CDYL: variants seen among roughly 807,000 people sequenced by gnomAD.
The protein encoded by CDYL is chromodomain Y like.
Under a neutral mutation model 47.3 loss-of-function variants are expected in CDYL, and 8 were observed. That is an observed-to-expected ratio of 0.17 (90% CI 0.10 to 0.31). The LOEUF is 0.31. Among genes scored for constraint, CDYL ranks in the 10% least tolerant of loss-of-function variants. CDYL has a pLI of 1.00. For synonymous variants in CDYL, 266 were observed against 265.0 expected, an observed-to-expected ratio of 1.00 and a Z score of -0.04; for missense variants, 471 against 701.4, an observed-to-expected ratio of 0.67 and a Z score of 3.71.
At chr6:4,920,559 G>C (rs1450921464) in intron 2 of CDYL, among the ~76,000 whole-genome samples, 1 of 152,194 alleles carries the variant, frequency 6.6e-6, no homozygotes, top group Non-Finnish European at 1.5e-5. Flanking sequence ...TTAAGCAGTA[G>C]GAGGGATAAA....
At chr6:4,948,970 C>A (rs1019521978) in intron 5 of CDYL, among the ~76,000 whole-genome samples, 2 of 152,244 alleles carry the variant, frequency 1.3e-5, no homozygotes, top group South Asian at 4.1e-4. Flanking sequence ...CAAGACTGGA[C>A]AAGTGTGGTT....
chr6:4,943,486 C>A lies in CDYL; in HGVS notation c.1122-60C>A, dbSNP rs186263393. On this transcript the variant is annotated intron_variant, in intron 4 of 6. Coordinates refer to ENST00000397588, the MANE Select transcript of CDYL (RefSeq NM_004824.4). Reference sequence around the variant, plus strand: ...TTGGTAAATTGAATTCCATAATAGACTTTTCCTTTGCTCAAATATGCAATG... The same window carrying A: ...TTGGTAAATTGAATTCCATAATAGAATTTTCCTTTGCTCAAATATGCAATG... 1.8e-5 allele frequency: 22 copies of A among 1,224,034 alleles called. No individual in the cohort carries two copies. The Admixed American group carries it at 3.6e-4, about 20-fold the overall frequency. The allele number at this position is 1,224,034 out of a possible 1,614,324, so 75.8% of individuals were successfully genotyped here.
chr6:4,779,679 G>A (rs1369056631), intron 1 of CDYL, among the ~76,000 whole-genome samples: 1 of 152,168 alleles, frequency 6.6e-6, no homozygotes, highest in Admixed American at 6.5e-5. Flanking sequence ...GAGGAAAAAC[G>A]GATTTTTGAT....
chr6:4,842,171 T>A (rs938906154), intron 1 of CDYL, among the ~76,000 whole-genome samples: 2 of 143,948 alleles, frequency 1.4e-5, no homozygotes, highest in African/African-American at 5.1e-5. Flanking sequence ...TATATTATAT[T>A]ATATAATAAA....
chr6:4,929,860 A>G (rs1251282684), intron 2 of CDYL, among the ~76,000 whole-genome samples: 2 of 149,460 alleles, frequency 1.3e-5, no homozygotes, highest in African/African-American at 2.5e-5. Context: ...CACTGGTCCT[A>G]TTTTCCCACT....
At chr6:4,711,995 G>A (rs978385783) in intron 1 of CDYL, among the ~76,000 whole-genome samples, 1 of 152,148 alleles carries the variant, frequency 6.6e-6, no homozygotes, top group African/African-American at 2.4e-5. Context: ...AGCCCAGAAG[G>A]TCGAGGCTGC....
chr6:4,895,938 T>A (rs554078929), intron 2 of CDYL, among the ~76,000 whole-genome samples: 68 of 152,362 alleles, frequency 4.5e-4, no homozygotes, highest in African/African-American at 1.3e-3. Flanking sequence ...TAAATTATTT[T>A]ACCTTGTTGT....
chr6:4,774,645 A>G (rs779893337), upstream of CDYL: 7 of 152,260 alleles, frequency 4.6e-5, no homozygotes, highest in Non-Finnish European at 7.3e-5. Flanking sequence ...TTCATTGAAC[A>G]ACACCTTATT....
At chr6:4,790,831 T>TC (rs1758897385) in intron 1 of CDYL, among the ~76,000 whole-genome samples, 1 of 152,224 alleles carries the variant, frequency 6.6e-6, no homozygotes. Context: ...TTTTTGACTG[T>TC]CATCAACGAT....
chr6:4,936,162 T>C (rs561981308), intron 3 of CDYL, among the ~76,000 whole-genome samples: 3 of 152,244 alleles, frequency 2.0e-5, no homozygotes, highest in Non-Finnish European at 4.4e-5. Flanking sequence ...AAGGGTTCTT[T>C]GTTCAGACAG....
chr6:4,729,418 C>A (rs1021214822), intron 2 of CDYL, among the ~76,000 whole-genome samples: 3 of 152,000 alleles, frequency 2.0e-5, no homozygotes, highest in Non-Finnish European at 4.4e-5. Flanking sequence ...GACCTTGATA[C>A]CTTCTCAGAC....
chr6:4,870,372 A>G (rs1263772852), intron 1 of CDYL, among the ~76,000 whole-genome samples: 1 of 152,068 alleles, frequency 6.6e-6, no homozygotes, highest in African/African-American at 2.4e-5. Flanking sequence ...GTCAGCCATT[A>G]TATTTGTATA....
intron 1 of CDYL, among the ~76,000 whole-genome samples, chr6:4,794,921 A>ATT (rs1759027666): frequency 6.6e-6 from 1 of 151,902 alleles, no homozygotes; most frequent in Non-Finnish European, 1.5e-5. Context: ...TTTCTTTTAG[A>ATT]TTTATATGTA....
chr6:4,900,647 T>G (rs1336384865), intron 2 of CDYL, among the ~76,000 whole-genome samples: 1 of 151,396 alleles, frequency 6.6e-6, no homozygotes, highest in East Asian at 1.9e-4. Context: ...TTAACCAACA[T>G]TTTAATCTAT....
At chr6:4,728,504 G>C (rs1200511224) in intron 2 of CDYL, among the ~76,000 whole-genome samples, 1 of 152,146 alleles carries the variant, frequency 6.6e-6, no homozygotes, top group East Asian at 1.9e-4. Flanking sequence ...ACTAGTGGCT[G>C]AACTGAAAAA....
At chr6:4,910,415 A>G (rs1344964470) in intron 2 of CDYL, among the ~76,000 whole-genome samples, 1 of 152,066 alleles carries the variant, frequency 6.6e-6, no homozygotes, top group Admixed American at 6.5e-5. Flanking sequence ...CTCCCTTCAT[A>G]CTTTCTGCTC....
At chr6:4,716,025 G>A in intron 2 of CDYL, 1 of 1,230,884 alleles carries the variant, frequency 8.1e-7, no homozygotes, top group Non-Finnish European at 1.1e-6. Flanking sequence ...GAGGCGGGCG[G>A]ATCATGAGGT....
In CDYL at chr6:4,954,037, G is replaced by A. The variant is rs1758793584; in HGVS notation, c.1616G>A (p.Arg539Lys). 4.3e-6 allele frequency: 7 copies of A among 1,613,830 alleles called. No homozygotes were observed. Among genetic ancestry groups the A allele is most frequent in the African/African-American group, 1.3e-5 (1 of 74,918 alleles). Reference protein sequence around the residue: ...GMDSMLKYLQRKIDEF With the variant: ...GMDSMLKYLQKKIDEF The stretch of plus-strand genomic sequence containing the variant: ...GACTCCATGTTAAAGTACTTGCAGA[G>A]GAAGATCGATGAGTTCTGAGTGTCG... Residue 539 changes from arginine to lysine, a missense_variant, in exon 7 of 7, where the codon AGG (arginine) becomes AAG (lysine). Around this residue, in one of 3 missense-constraint regions of CDYL, gnomAD observed 57 missense variants for 74.3 expected, o/e 0.77. Transcript: ENST00000397588.
chr6:4,745,788 G>T (rs1156446557), intron 3 of CDYL, among the ~76,000 whole-genome samples: 2 of 152,138 alleles, frequency 1.3e-5, no homozygotes, highest in Non-Finnish European at 2.9e-5. Context: ...AAATCCTTTT[G>T]ATGAGGCCCA....
Sources: allele counts gnomAD v4.1 joint callset (sites outside exome capture counted in the v4.1 genomes callset), GRCh38; gene constraint gnomAD v4.1.1; regional missense constraint gnomAD v4.1.1; transcripts MANE v1.5; gene names NCBI Gene and HGNC (gene_info 2026-07-23, HGNC 2026-07-21).